The following BICRAL variants were observed in gnomAD, a reference collection of about 807,000 sequenced individuals.
BICRAL encodes BRD4-interacting chromatin-remodeling complex-associated protein-like.
A neutral mutation model predicts 91.8 loss-of-function variants in BICRAL; 8 were observed. That is an observed-to-expected ratio of 0.09 (90% confidence interval 0.05 to 0.16). The LOEUF is 0.16. BICRAL is among the 10% of genes least tolerant of loss of function. The probability of loss-of-function intolerance (pLI) is 1.00; values close to 1 mark genes in which losing one functional copy is unlikely to be tolerated. For missense variants in BICRAL, 1,038 were observed against 1,310.9 expected, an observed-to-expected ratio of 0.79 and a Z score of 3.21; for synonymous variants, 445 against 491.1, an observed-to-expected ratio of 0.91 and a Z score of 1.24.
intron 1 of BICRAL, among the ~76,000 whole-genome samples, chr6:42,786,368 T>G (rs1038447027): frequency 6.6e-6 from 1 of 152,318 alleles, no homozygotes; most frequent in African/African-American, 2.4e-5. Context: ...TGGAGTGACT[T>G]CCAGTTTTTG....
At chr6:42,857,693 A>G (rs1304431935) in intron 10 of BICRAL, among the ~76,000 whole-genome samples, 1 of 147,260 alleles carries the variant, frequency 6.8e-6, no homozygotes, top group Non-Finnish European at 1.5e-5. Flanking sequence ...GGGACAGTAA[A>G]TCCAAAGCTT....
At chr6:42,788,711 TAAAC>T (rs905156666) in intron 1 of BICRAL, among the ~76,000 whole-genome samples, 2 of 152,136 alleles carry the variant, frequency 1.3e-5, no homozygotes, top group African/African-American at 4.8e-5. Context: ...GCCGGTGACT[TAAAC>T]AAAGAAGGGG....
rs551078007 is a variant in BICRAL, at chr6:42,791,636, T to A, written c.-102+9535T>A. 1.6e-3 allele frequency among the ~76,000 whole-genome samples: 250 copies of A among 152,292 alleles called. 1 individual carries two copies. Among genetic ancestry groups the A allele is most frequent in the African/African-American group, 5.7e-3 (235 of 41,558 alleles). ...TGGGTTCTAATGGGTTTGGTTTTTG[T>A]TTTTGTTTTTTGAGATGAGAACTCA... On this transcript the variant is annotated intron_variant, in intron 1 of 12. Transcript: ENST00000314073.
intron 5 of BICRAL, among the ~76,000 whole-genome samples, chr6:42,825,259 C>G (rs1216398675): frequency 1.9e-5 from 1 of 52,780 alleles, no homozygotes; most frequent in Non-Finnish European, 4.0e-5. Context: ...GACTCTGTCT[C>G]AAAAAAAAAA....
At chr6:42,863,706 G>A (rs1490744967) in intron 12 of BICRAL, among the ~76,000 whole-genome samples, 2 of 152,192 alleles carry the variant, frequency 1.3e-5, no homozygotes, top group African/African-American at 4.8e-5. Context: ...ACTGTTTCAA[G>A]GAGGTCATTA....
At chr6:42,796,040 G>A (rs1582825242) in intron 1 of BICRAL, among the ~76,000 whole-genome samples, 1 of 152,178 alleles carries the variant, frequency 6.6e-6, no homozygotes, top group South Asian at 2.1e-4. Context: ...GAGGTGGTGT[G>A]AGAGCATCTA....
intron 6 of BICRAL, among the ~76,000 whole-genome samples, chr6:42,845,218 T>G (rs1764966669): frequency 4.4e-5 from 3 of 67,888 alleles, no homozygotes; most frequent in Admixed American, 1.5e-4. Context: ...TTTTTTTTTT[T>G]TTTTTTTTTT....
chr6:42,826,057 A>G (rs1764292363), intron 5 of BICRAL, among the ~76,000 whole-genome samples: 1 of 148,692 alleles, frequency 6.7e-6, no homozygotes, highest in Admixed American at 6.8e-5. Context: ...GCACTCCAGC[A>G]TGGGTGACAC....
At chr6:42,834,478 A>C (rs1189205126) in intron 6 of BICRAL, among the ~76,000 whole-genome samples, 1 of 152,198 alleles carries the variant, frequency 6.6e-6, no homozygotes, top group South Asian at 2.1e-4. Flanking sequence ...AGCTATTACT[A>C]TCATGGCCTC....
At chr6:42,827,622 G>T (rs753505297) in intron 5 of BICRAL, among the ~76,000 whole-genome samples, 1 of 152,248 alleles carries the variant, frequency 6.6e-6, no homozygotes, top group Admixed American at 6.5e-5. Flanking sequence ...CCTCACGCCT[G>T]TAATCCTAGC....
In BICRAL at chr6:42,867,883, G is replaced by T. The variant is rs1409325766; in HGVS notation, c.*2437G>T. On this transcript the variant is annotated 3_prime_UTR_variant, in exon 13 of 13. Transcript: ENST00000314073. ...GGAAGGATTCTAGATAATGACAAAT[G>T]AAGATTATGACATGTATTTCACTCC... The T allele has an allele frequency of 6.6e-6, 1 of 152,518 alleles. No individual in the cohort carries two copies. The highest frequency in any genetic ancestry group is 2.1e-4 in the South Asian group (1 of 4,828). 9.4% of individuals were successfully genotyped at this position (152,518 alleles called of 1,614,324 possible).
At chr6:42,770,683 T>A (rs1402842103) in intron 1 of BICRAL, among the ~76,000 whole-genome samples, 1 of 151,726 alleles carries the variant, frequency 6.6e-6, no homozygotes, top group African/African-American at 2.4e-5. Flanking sequence ...CCCAAAGTGC[T>A]GGGTTTACAG....
Position 42,864,878 on chromosome 6 carries a change from G to A in BICRAL, c.2672G>A (p.Gly891Glu), listed in dbSNP as rs772956244. 23 of 1,614,026 alleles carry A rather than the reference G, an allele frequency of 1.4e-5. No homozygotes were observed. The South Asian group carries it at 2.4e-4, about 17-fold the overall frequency. ...AATCACATCGTGGTCTCTGCAGAAGGAAACATTTCTAAAAAAACAGAATGC... is the reference window on the plus strand; with the variant it reads ...AATCACATCGTGGTCTCTGCAGAAGAAAACATTTCTAAAAAAACAGAATGC... ...VPNHIVVSAE[G>E]NISKKTECLG... The change falls in exon 13 of 13, where the codon GGA becomes GAA. Residue 891 changes from glycine to glutamate, a missense_variant. Transcript: ENST00000314073.
chr6:42,853,579 T>C (rs1406354547), intron 7 of BICRAL, 59 bp from the exon 8 acceptor site: 5 of 1,246,544 alleles, frequency 4.0e-6, no homozygotes, highest in Non-Finnish European at 4.7e-6. Context: ...TCTAGGGTTA[T>C]ATGATGGACC....
chr6:42,798,465 G>A (rs1422698179), intron 1 of BICRAL, among the ~76,000 whole-genome samples: 10 of 152,164 alleles, frequency 6.6e-5, no homozygotes, highest in Admixed American at 1.3e-4. Context: ...GGTAGCCCAA[G>A]GCAGGCAGAT....
At chr6:42,847,781 G>A (rs1053239252) in intron 6 of BICRAL, among the ~76,000 whole-genome samples, 1 of 151,466 alleles carries the variant, frequency 6.6e-6, no homozygotes, top group Non-Finnish European at 1.5e-5. Flanking sequence ...AAATTAGCCG[G>A]GTGTGGTGCT....
At chr6:42,862,756 A>C in intron 12 of BICRAL, 144 bp downstream of exon 12, 1 of 609,510 alleles carries the variant, frequency 1.6e-6, no homozygotes, top group South Asian at 1.9e-5. Context: ...GGTGGCTCAC[A>C]CCTGTAATCC....
intron 6 of BICRAL, among the ~76,000 whole-genome samples, chr6:42,849,169 C>T (rs971283989): frequency 6.6e-6 from 1 of 152,154 alleles, no homozygotes; most frequent in Non-Finnish European, 1.5e-5. Flanking sequence ...GCACTTCAGC[C>T]TCAACCTCCT....
intron 1 of BICRAL, among the ~76,000 whole-genome samples, chr6:42,795,030 C>A (rs926709230): frequency 6.6e-6 from 1 of 151,768 alleles, no homozygotes; most frequent in Non-Finnish European, 1.5e-5. Flanking sequence ...CCAATACTCA[C>A]AAAGAGAATT....
Sources: allele counts gnomAD v4.1 joint callset (sites outside exome capture counted in the v4.1 genomes callset), GRCh38; gene constraint gnomAD v4.1.1; transcripts MANE v1.5; gene names NCBI Gene and HGNC (gene_info 2026-07-23, HGNC 2026-07-21).